The following CEP20 variants were observed in gnomAD, a reference collection of about 807,000 sequenced individuals.
The protein encoded by CEP20 is centrosomal protein 20.
CEP20 carries 18 observed loss-of-function variants against 20.0 expected under a neutral mutation model. The ratio of observed to expected loss-of-function variants is 0.90; its 90% confidence interval spans 0.62 to 1.34. The LOEUF is 1.34. Among genes scored for constraint, CEP20 ranks in the 40% most tolerant of loss-of-function variants. The pLI, the probability that CEP20 is intolerant of heterozygous loss-of-function variation, is 0.00. For missense variants in CEP20, 215 were observed against 201.6 expected (o/e 1.07, Z -0.40); for synonymous variants, 77 against 73.7 (o/e 1.04, Z -0.23).
intron 1 of CEP20, chr16:15,885,898 C>T (rs949637197): frequency 1.3e-5 from 2 of 152,192 alleles, no homozygotes; most frequent in Admixed American, 6.5e-5. Context: ...GCTGTACATA[C>T]TTAGTATAGA....
At chr16:15,878,357 C>T (rs12598087) in intron 3 of CEP20, among the ~76,000 whole-genome samples, 10,548 of 152,218 alleles carry the variant, frequency 0.069, 488 homozygotes, top group East Asian at 0.22. Context: ...CGCTAAGCAA[C>T]AGGGACTTCA....
intron 2 of CEP20, among the ~76,000 whole-genome samples, chr16:15,880,887 C>A (rs375383575): frequency 1.3e-5 from 2 of 150,804 alleles, no homozygotes; most frequent in South Asian, 2.1e-4. Context: ...GAATCTAAGG[C>A]CTGATGATCT....
At chr16:15,868,656 G>A (rs62031709) in intron 4 of CEP20, among the ~76,000 whole-genome samples, 16,360 of 152,028 alleles carry the variant, frequency 0.11, 941 homozygotes, top group Middle Eastern at 0.17. Context: ...TTATACACAC[G>A]CTTTATTAGT....
At chr16:15,868,310 C>T (rs2151418453) in intron 4 of CEP20, among the ~76,000 whole-genome samples, 1 of 152,108 alleles carries the variant, frequency 6.6e-6, no homozygotes, top group Non-Finnish European at 1.5e-5. Context: ...ACAATCCCAG[C>T]TACTTGGGAG....
chr16:15,867,542 ATACTT>A (rs1409588456), intron 4 of CEP20, 26 bp from the exon 5 acceptor site: 12 of 1,530,052 alleles, frequency 7.8e-6, no homozygotes, highest in Non-Finnish European at 1.1e-5. Flanking sequence ...ACCAATGTTA[ATACTT>A]ATCCCAAGTC....
In CEP20 at chr16:15,873,519, G is replaced by A. The variant is rs1248507340; in HGVS notation, c.420C>T (p.Gly140=). 3.1e-6 allele frequency: 5 copies of A among 1,613,822 alleles called. No individual in the cohort carries two copies. Among genetic ancestry groups the A allele is most frequent in the Middle Eastern group, 1.6e-4 (1 of 6,062 alleles). The part of the protein sequence containing the change: ...PSLQPSDPSL[G]RQPSRRKPMD... The stretch of plus-strand genomic sequence containing the variant: ...TTGGCTTTCTTCTACTAGGTTGTCT[G>A]CCAAGACTTGGGTCTGAAGGCTGAA... The change falls in exon 4 of 5, where the codon GGC becomes GGT. Residue 140 remains glycine (G), a synonymous_variant. Transcript: ENST00000255759.
At chr16:15,882,421 T>C (rs916376554) in intron 2 of CEP20, among the ~76,000 whole-genome samples, 1 of 151,924 alleles carries the variant, frequency 6.6e-6, no homozygotes, top group Non-Finnish European at 1.5e-5. Context: ...TCCCAGCTAC[T>C]TGGGAGGCTG....
rs2044704316 is a variant in CEP20, at chr16:15,867,338, T to C, written c.*102A>G. On this transcript the variant is annotated 3_prime_UTR_variant, in exon 5 of 5. Coordinates refer to ENST00000255759, the MANE Select transcript of CEP20 (RefSeq NM_144600.4). ...GAGGGGTGTTTTGTAGAAACTCCAA[T>C]TTCTACAAACATTAGTGGTGCATTT... 9.6e-6 allele frequency: 8 copies of C among 835,956 alleles called. No individual in the cohort carries two copies. The highest frequency in any genetic ancestry group is 1.4e-5 in the Non-Finnish European group (8 of 585,186). 51.8% of individuals were successfully genotyped at this position (835,956 alleles called of 1,614,324 possible).
At chr16:15,882,068 G>A (rs1305545069) in intron 2 of CEP20, among the ~76,000 whole-genome samples, 1 of 152,074 alleles carries the variant, frequency 6.6e-6, no homozygotes, top group South Asian at 2.1e-4. Flanking sequence ...CACAGTGAGT[G>A]GGTTCTCATG....
At chr16:15,883,124 G>A (rs2045150362) in intron 2 of CEP20, 2 of 152,212 alleles carry the variant, frequency 1.3e-5, no homozygotes, top group African/African-American at 4.8e-5. Context: ...CATTTGGGGA[G>A]TGTGAGATAG....
At chr16:15,869,109 A>G (rs72773956) in intron 4 of CEP20, among the ~76,000 whole-genome samples, 1 of 134,670 alleles carries the variant, frequency 7.4e-6, no homozygotes, top group Non-Finnish European at 1.6e-5. Context: ...GTGTGTGTGT[A>G]TATATATATA....
intron 2 of CEP20, 133 bp from the exon 3 acceptor site, chr16:15,880,021 G>A: frequency 1.7e-6 from 1 of 600,338 alleles, no homozygotes; most frequent in Non-Finnish European, 2.9e-6. Flanking sequence ...CACCAAGACA[G>A]ATCAAATTGC....
At chr16:15,876,189 A>G (rs1043070594) in intron 3 of CEP20, among the ~76,000 whole-genome samples, 1 of 148,798 alleles carries the variant, frequency 6.7e-6, no homozygotes, top group Admixed American at 6.7e-5. Flanking sequence ...TTTTTTAAAG[A>G]ATTGAAGTCT....
At chr16:15,882,236 G>C (rs532306509) in intron 2 of CEP20, among the ~76,000 whole-genome samples, 3 of 152,164 alleles carry the variant, frequency 2.0e-5, no homozygotes, top group Admixed American at 6.6e-5. Context: ...GCAGAACCGT[G>C]AGCCAAGTAA....
chr16:15,867,648 GA>G (rs924898423), intron 4 of CEP20, 132 bp from the exon 5 acceptor site: 22 of 554,286 alleles, frequency 4.0e-5, no homozygotes, highest in South Asian at 2.9e-4. Context: ...TTAGGACAAT[GA>G]AAAAAACCCA....
chr16:15,872,720 ATGTATTTTTATGT>A (rs2044850970), intron 4 of CEP20, among the ~76,000 whole-genome samples: 1 of 132,274 alleles, frequency 7.6e-6, no homozygotes, highest in Admixed American at 7.4e-5. Flanking sequence ...ATAAAAATTT[ATGTATTTTTATGT>A]CTCAAAAAAA....
At chr16:15,876,758 G>A (rs7189178) in intron 3 of CEP20, among the ~76,000 whole-genome samples, 1,902 of 151,938 alleles carry the variant, frequency 0.013, 42 homozygotes, top group African/African-American at 0.04. Flanking sequence ...ACTGAAGTGT[G>A]AGAAACAAGG....
At chr16:15,886,565 G>A (rs752141451) in intron 1 of CEP20, among the ~76,000 whole-genome samples, 13 of 152,200 alleles carry the variant, frequency 8.5e-5, no homozygotes, top group Non-Finnish European at 1.6e-4. Context: ...ACGAGAATTA[G>A]TGACAGTGGA....
intron 1 of CEP20, among the ~76,000 whole-genome samples, chr16:15,886,324 G>GC (rs1189196345): frequency 1.3e-5 from 2 of 152,178 alleles, no homozygotes; most frequent in Non-Finnish European, 2.9e-5. Flanking sequence ...CATTTTTAAA[G>GC]CATCCCTTCA....
Sources: allele counts gnomAD v4.1 joint callset (sites outside exome capture counted in the v4.1 genomes callset), GRCh38; gene constraint gnomAD v4.1.1; transcripts MANE v1.5; gene names NCBI Gene and HGNC (gene_info 2026-07-23, HGNC 2026-07-21).